The following EPHB1 variants were observed in gnomAD, a reference collection of about 807,000 sequenced individuals.
EPHB1 encodes the protein ephrin type-B receptor 1.
A neutral mutation model predicts 94.4 loss-of-function variants in EPHB1; 30 were observed. The ratio of observed to expected loss-of-function variants is 0.32; its 90% CI spans 0.24 to 0.43. The LOEUF is 0.43. EPHB1 is among the 20% of genes least tolerant of loss of function. The pLI is 1.00. For synonymous variants in EPHB1, 522 were observed against 489.1 expected, an observed-to-expected ratio of 1.07 and a Z score of -0.89; for missense variants, 1,055 against 1,308.3, an observed-to-expected ratio of 0.81 and a Z score of 2.99.
intron 1 of EPHB1, among the ~76,000 whole-genome samples, chr3:134,843,376 C>A (rs2108297141): frequency 6.6e-6 from 1 of 152,224 alleles, no homozygotes; most frequent in South Asian, 2.1e-4. Context: ...TCGTATTACC[C>A]TAGTTGGAGT....
chr3:135,132,305 A>G (rs1004830689), intron 4 of EPHB1, among the ~76,000 whole-genome samples: 2 of 146,434 alleles, frequency 1.4e-5, no homozygotes, highest in Non-Finnish European at 3.0e-5. Flanking sequence ...GGGGCCACTC[A>G]TATCCTTCTA....
chr3:134,873,338 C>T (rs1046397691), intron 1 of EPHB1, among the ~76,000 whole-genome samples: 1 of 152,176 alleles, frequency 6.6e-6, no homozygotes, highest in Non-Finnish European at 1.5e-5. Context: ...GGGCTTAGAA[C>T]TGAATTCACC....
rs1015532044 is a variant in EPHB1 at position 134,955,672 on chromosome 3, C to G, written c.805+3620C>G. Among the ~76,000 whole-genome samples the G allele has an allele frequency of 1.6e-4, 24 of 148,014 alleles. 9 individuals are homozygous for G. The highest frequency in any genetic ancestry group is 3.4e-4 in the Non-Finnish European group (23 of 67,164). ...ATGCTGCTATAAAGACACATGCACA[C>G]GTATGTTTATTGCGGCACTATTCAC... On this transcript the variant is annotated intron_variant, in intron 3 of 15. Transcript: ENST00000398015.
At chr3:135,099,334 CGGATGGAT>C (rs979185011) in intron 3 of EPHB1, among the ~76,000 whole-genome samples, 1 of 17,042 alleles carries the variant, frequency 5.9e-5, no homozygotes, top group African/African-American at 1.2e-4. Flanking sequence ...GATGGATGGA[CGGATGGAT>C]GGATGGATGG....
chr3:135,046,781 T>G (rs1937011853), intron 3 of EPHB1, among the ~76,000 whole-genome samples: 1 of 152,180 alleles, frequency 6.6e-6, no homozygotes, highest in South Asian at 2.1e-4. Flanking sequence ...TCCTCTAACA[T>G]GGGAAATATA....
intron 1 of EPHB1, among the ~76,000 whole-genome samples, chr3:134,827,447 G>A (rs911814653): frequency 6.6e-6 from 1 of 152,094 alleles, no homozygotes; most frequent in African/African-American, 2.4e-5. Context: ...TACTAGTTTC[G>A]GGCATGACTG....
At chr3:134,954,028 G>A (rs61459786) in intron 3 of EPHB1, among the ~76,000 whole-genome samples, 24,724 of 152,212 alleles carry the variant, frequency 0.16, 2,149 homozygotes, top group African/African-American at 0.21. Context: ...GGAGGGTAAA[G>A]GAAATGGGGA....
chr3:135,034,754 G>T (rs372570413), intron 3 of EPHB1, among the ~76,000 whole-genome samples: 4 of 152,342 alleles, frequency 2.6e-5, no homozygotes, highest in African/African-American at 9.6e-5. Flanking sequence ...CCAGCTGGAG[G>T]CCTATGAATG....
chr3:134,845,006 T>A (rs779244816), intron 1 of EPHB1, among the ~76,000 whole-genome samples: 1 of 152,220 alleles, frequency 6.6e-6, no homozygotes, highest in Non-Finnish European at 1.5e-5. Flanking sequence ...CTTCAATGCA[T>A]GACATGATGC....
At chr3:134,974,119 G>C (rs1388715524) in intron 3 of EPHB1, among the ~76,000 whole-genome samples, 2 of 152,090 alleles carry the variant, frequency 1.3e-5, no homozygotes, top group African/African-American at 4.8e-5. Flanking sequence ...CAGTCACAGT[G>C]GTCTCTGACC....
At position 134,951,299 on chromosome 3, in the gene EPHB1, A is replaced by C. The variant is rs965581992; in HGVS notation, c.124-72A>C. ...CTTAGCCCCAGGATTCTCCTCTGCT[A>C]TGCCTATTTTTGTATTCTCACTCTC... On this transcript the variant is annotated intron_variant, in intron 2 of 15. Coordinates refer to ENST00000398015, the MANE Select transcript of EPHB1 (RefSeq NM_004441.5). This position sits in a 1 kb window ranked among gnomAD's most constrained non-coding sequence, Gnocchi z 4.5. The C allele has an allele frequency of 3.8e-5, 52 of 1,376,916 alleles. No individual in the cohort carries two copies. The highest frequency in any genetic ancestry group is 5.5e-5 in the Admixed American group (2 of 36,162). The allele number at this position is 1,376,916 out of a possible 1,614,324, so 85.3% of individuals were successfully genotyped here.
chr3:135,100,403 G>T (rs917934318), intron 3 of EPHB1, among the ~76,000 whole-genome samples: 1 of 152,166 alleles, frequency 6.6e-6, no homozygotes, highest in African/African-American at 2.4e-5. Flanking sequence ...AGAGGCTCTG[G>T]TGAGTGCTGA....
intron 1 of EPHB1, among the ~76,000 whole-genome samples, chr3:134,822,290 C>T (rs1422774278): frequency 6.6e-6 from 1 of 152,092 alleles, no homozygotes; most frequent in Non-Finnish European, 1.5e-5. Context: ...TAGCTGCTGT[C>T]CAGGCATGGT....
chr3:135,026,382 A>AT (rs2107757278), intron 3 of EPHB1, among the ~76,000 whole-genome samples: 1 of 148,634 alleles, frequency 6.7e-6, no homozygotes, highest in South Asian at 2.2e-4. Context: ...TCTTGAATTG[A>AT]TTTTTGTATA....
In EPHB1 at chr3:135,004,165, ATC is replaced by A. The variant is rs1935298350; in HGVS notation, c.805+52118_805+52119del. On this transcript the variant is annotated intron_variant, in intron 3 of 15. Transcript: ENST00000398015. The stretch of plus-strand genomic sequence containing the variant: ...TTAGGGCAGGCCTGGTGGTGACAAA[ATC>A]TCTCAGCATTTGCTTGTCTGTAAAG... Among the ~76,000 whole-genome samples the A allele has an allele frequency of 2.7e-5, 4 of 149,074 alleles. No homozygotes were observed. In the South Asian group the frequency reaches 8.6e-4, roughly 32 times the overall value.
At chr3:135,132,561 TA>T (rs1487849254) in intron 4 of EPHB1, among the ~76,000 whole-genome samples, 152 bp from the exon 5 acceptor site, 1 of 152,144 alleles carries the variant, frequency 6.6e-6, no homozygotes, top group African/African-American at 2.4e-5. Flanking sequence ...ATTCTTCTTT[TA>T]AAATGAATTG....
intron 3 of EPHB1, among the ~76,000 whole-genome samples, chr3:134,984,675 C>A (rs1429623980): frequency 6.6e-6 from 1 of 152,082 alleles, no homozygotes; most frequent in Non-Finnish European, 1.5e-5. Context: ...ATTTGGGACC[C>A]AAGGAGGTCA....
At chr3:135,216,452 G>A (rs1943150217) in intron 12 of EPHB1, among the ~76,000 whole-genome samples, 3 of 151,982 alleles carry the variant, frequency 2.0e-5, no homozygotes, top group Non-Finnish European at 4.4e-5. Flanking sequence ...GCCGGGCACG[G>A]TGGCTCATGC....
intron 3 of EPHB1, among the ~76,000 whole-genome samples, chr3:135,066,637 C>A (rs1049503251): frequency 6.6e-6 from 1 of 152,124 alleles, no homozygotes; most frequent in East Asian, 1.9e-4. Context: ...CACTGGGCCT[C>A]GCCTTTCTCT....
Sources: allele counts gnomAD v4.1 joint callset (sites outside exome capture counted in the v4.1 genomes callset), GRCh38; gene constraint gnomAD v4.1.1; non-coding constraint Gnocchi (gnomAD v3.1); transcripts MANE v1.5; gene names NCBI Gene and HGNC (gene_info 2026-07-23, HGNC 2026-07-21).